The following CLN8 variants were observed in gnomAD, a reference collection of about 807,000 sequenced individuals.
CLN8 encodes protein CLN8.
CLN8 carries 14 observed loss-of-function variants against 15.7 expected under a neutral mutation model. That is an observed-to-expected ratio of 0.89 (90% CI 0.59 to 1.39). The LOEUF is 1.39. Ranked by LOEUF, CLN8 falls within the 40% of genes most tolerant of loss-of-function variation. The probability of loss-of-function intolerance (pLI) is 0.00; values close to 1 mark genes in which losing one functional copy is unlikely to be tolerated. For synonymous variants in CLN8, 188 were observed against 151.0 expected, an observed-to-expected ratio of 1.25 and a Z score of -1.80; for missense variants, 415 against 364.0, an observed-to-expected ratio of 1.14 and a Z score of -1.14.
intron 2 of CLN8, among the ~76,000 whole-genome samples, chr8:1,772,615 G>A (rs1273537738): frequency 2.0e-5 from 3 of 151,276 alleles, no homozygotes; most frequent in African/African-American, 4.9e-5. Flanking sequence ...CCACCACCAC[G>A]CCTAGCTAAT....
chr8:1,776,361 G>A (rs1252911452), intron 2 of CLN8, among the ~76,000 whole-genome samples: 4 of 152,042 alleles, frequency 2.6e-5, no homozygotes, highest in Non-Finnish European at 5.9e-5. Context: ...ATGTGGCCCC[G>A]CTCCTGTACA....
upstream of CLN8, chr8:1,760,080 T>C (rs1800757031): frequency 6.6e-6 from 1 of 152,158 alleles, no homozygotes; most frequent in Admixed American, 6.5e-5. Context: ...GTCATTTTGG[T>C]TGTCTACTCC....
At chr8:1,778,085 G>A (rs769239322) in intron 2 of CLN8, among the ~76,000 whole-genome samples, 7 of 152,146 alleles carry the variant, frequency 4.6e-5, no homozygotes, top group Non-Finnish European at 8.8e-5. Flanking sequence ...GTGTGAGATC[G>A]AAAACTTGCC....
chr8:1,778,190 A>G (rs1389647407), intron 2 of CLN8, among the ~76,000 whole-genome samples: 1 of 152,196 alleles, frequency 6.6e-6, no homozygotes, highest in East Asian at 1.9e-4. Context: ...CCAGACAAGG[A>G]TGTCAGGGAC....
intron 1 of CLN8, among the ~76,000 whole-genome samples, chr8:1,768,866 A>T (rs1488225584): frequency 2.0e-5 from 3 of 152,190 alleles, no homozygotes; most frequent in African/African-American, 7.2e-5. Context: ...AGGTTAACAG[A>T]AATGTGTTTG....
intron 2 of CLN8, among the ~76,000 whole-genome samples, chr8:1,777,568 T>C (rs548956874): frequency 6.6e-6 from 1 of 152,342 alleles, no homozygotes; most frequent in African/African-American, 2.4e-5. Flanking sequence ...TGTGTGTATA[T>C]ATATATATTC....
intron 1 of CLN8, chr8:1,764,842 G>A (rs1347553105): frequency 1.3e-5 from 2 of 152,300 alleles, no homozygotes; most frequent in Non-Finnish European, 2.9e-5. Context: ...AGACTGGCGC[G>A]AGGCGGCTGC....
chr8:1,763,328 C>A (rs1563100713), upstream of CLN8: 1 of 148,092 alleles, frequency 6.8e-6, no homozygotes, highest in Non-Finnish European at 1.5e-5. Context: ...TGGTTCAGCC[C>A]GGCCCCGCCC....
chr8:1,753,369 G>T (rs1485485783), upstream of CLN8, among the ~76,000 whole-genome samples: 3 of 152,062 alleles, frequency 2.0e-5, no homozygotes, highest in South Asian at 6.2e-4. Flanking sequence ...TCAGGAGTTC[G>T]AGACCAGCCT....
chr8:1,780,626 C>T lies in CLN8; in HGVS notation c.*59C>T. ...GCTGGCACACCGATTCTGGGAAGCC[C>T]CGCGAATGATGGCTTTTGAATTAAT... On this transcript the variant is annotated 3_prime_UTR_variant, in exon 3 of 3. Transcript: ENST00000331222. The T allele has an allele frequency of 5.3e-6, 8 of 1,517,898 alleles. No individual in the cohort carries two copies. The highest frequency in any genetic ancestry group is 1.9e-4 in the Middle Eastern group (1 of 5,162). 94.0% of individuals were successfully genotyped at this position (1,517,898 alleles called of 1,614,324 possible).
chr8:1,761,410 C>A (rs917139008), upstream of CLN8, among the ~76,000 whole-genome samples: 1 of 152,204 alleles, frequency 6.6e-6, no homozygotes, highest in East Asian at 1.9e-4. Context: ...CTGCAACCTC[C>A]GCCTTCAGGG....
At chr8:1,758,642 T>C (rs1800725302) in intron 1 of CLN8, 1 of 152,182 alleles carries the variant, frequency 6.6e-6, no homozygotes, top group African/African-American at 2.4e-5. Context: ...ACATGTAAGG[T>C]GTCCAGTGGT....
chr8:1,771,724 C>T, intron 2 of CLN8, 127 bp downstream of exon 2: 1 of 835,006 alleles, frequency 1.2e-6, no homozygotes, highest in Non-Finnish European at 1.9e-6. Context: ...GTTACAAACT[C>T]ATTTTAGTTG....
Position 1,781,442 on chromosome 8 carries a change from G to C in CLN8, c.*875G>C, listed in dbSNP as rs1265045601. Reference sequence around the variant, plus strand: ...TGGTGGCAAGTGGTACAAAGACAACGCTGAGGGGTAGTGACTCCTGTAGCA... The same window carrying C: ...TGGTGGCAAGTGGTACAAAGACAACCCTGAGGGGTAGTGACTCCTGTAGCA... On this transcript the variant is annotated 3_prime_UTR_variant, in exon 3 of 3. Coordinates refer to ENST00000331222, the MANE Select transcript of CLN8 (RefSeq NM_018941.4). The C allele has an allele frequency of 2.7e-5, 4 of 150,360 alleles. No individual in the cohort carries two copies. The East Asian group carries it at 7.8e-4, about 29-fold the overall frequency. The allele number at this position is 150,360 out of a possible 1,614,324, so 9.3% of individuals were successfully genotyped here.
At position 1,786,269 on chromosome 8, in the gene CLN8, C is replaced by T. The variant is rs1267741934; in HGVS notation, c.*5702C>T. On this transcript the variant is annotated 3_prime_UTR_variant, in exon 3 of 3. Transcript: ENST00000331222. ...CACCCATGAGTCTGTCCAGCCTTGT[C>T]ACAGATGCATCGCCCACCCTGCGGT... 1 of 152,052 alleles carries T rather than the reference C, an allele frequency of 6.6e-6. No homozygotes were observed. Among genetic ancestry groups the T allele is most frequent in the East Asian group, 1.9e-4 (1 of 5,180 alleles). The allele number at this position is 152,052 out of a possible 1,614,324, so 9.4% of individuals were successfully genotyped here. A position where few individuals can be genotyped will look rare whatever the true frequency, so the allele number is the denominator to read the frequency against.
intron 1 of CLN8, among the ~76,000 whole-genome samples, chr8:1,757,405 C>T (rs1000187467): frequency 2.6e-5 from 4 of 152,170 alleles, no homozygotes; most frequent in African/African-American, 9.6e-5. Flanking sequence ...CTTTGTTGCC[C>T]TAGAATCAAC....
chr8:1,756,903 G>C (rs1465617932), intron 1 of CLN8, among the ~76,000 whole-genome samples: 1 of 152,054 alleles, frequency 6.6e-6, no homozygotes, highest in Non-Finnish European at 1.5e-5. Flanking sequence ...GGCTGGTCTA[G>C]ATCTCCTGAC....
rs184346819 is a variant in CLN8 at position 1,770,965 on chromosome 8, G to T, written c.-90G>T. 44 of 1,189,980 alleles carry T rather than the reference G, an allele frequency of 3.7e-5. No individual in the cohort carries two copies. The African/African-American group carries it at 5.2e-4, about 14-fold the overall frequency. 73.7% of individuals were successfully genotyped at this position (1,189,980 alleles called of 1,614,324 possible). A position where few individuals can be genotyped will look rare whatever the true frequency, so the allele number is the denominator to read the frequency against. On this transcript the variant is annotated 5_prime_UTR_variant, in exon 2 of 3. Coordinates refer to ENST00000331222, the MANE Select transcript of CLN8 (RefSeq NM_018941.4). ...TGGATACGTGACAATCCCAGGGACC[G>T]CTGCACTGACTTCATTTCCTTAGAC...
rs796563216 is a variant in CLN8 at position 1,766,555 on chromosome 8, AT to A, written c.-124+2680del. On this transcript the variant is annotated intron_variant, in intron 1 of 2. Transcript: ENST00000331222. Reference sequence around the variant, plus strand: ...CAGGCGCTCGCCATCACGCCTGGCTATTTTTTTTTTGTATTTTAGTAGAGAC... The same window carrying A: ...CAGGCGCTCGCCATCACGCCTGGCTATTTTTTTTTGTATTTTAGTAGAGAC... Among the ~76,000 whole-genome samples, 244 of 147,474 alleles carry A rather than the reference AT, an allele frequency of 1.7e-3. 1 individual carries two copies. Among genetic ancestry groups the A allele is most frequent in the African/African-American group, 5.3e-3 (214 of 40,276 alleles).
Sources: gnomAD v4.1 joint callset for allele counts (sites outside exome capture counted in the v4.1 genomes callset) on GRCh38, gnomAD v4.1.1 for gene constraint, MANE v1.5 for transcripts, NCBI Gene and HGNC (gene_info 2026-07-23, HGNC 2026-07-21) for gene names.